The following CCNO variants were observed in gnomAD, a reference collection of about 807,000 sequenced individuals.
CCNO encodes the protein cyclin-O.
Under a neutral mutation model 23.9 loss-of-function variants are expected in CCNO, and 24 were observed. That is an observed-to-expected ratio of 1.00 (90% confidence interval 0.73 to 1.41). CCNO has a LOEUF of 1.41. Ranked by LOEUF, CCNO falls within the 40% of genes most tolerant of loss-of-function variation. The pLI is 0.00. For synonymous variants in CCNO, 241 were observed against 225.7 expected, an observed-to-expected ratio of 1.07 and a Z score of -0.61; for missense variants, 542 against 476.2, an observed-to-expected ratio of 1.14 and a Z score of -1.29.
Position 55,231,238 on chromosome 5 carries a change from A to G in CCNO, c.*137T>C. 1.1e-6 allele frequency: 1 copy of G among 896,354 alleles called. No individual in the cohort carries two copies. The highest frequency in any genetic ancestry group is 1.7e-6 in the Non-Finnish European group (1 of 574,358). The allele number at this position is 896,354 out of a possible 1,614,324, so 55.5% of individuals were successfully genotyped here. On this transcript the variant is annotated 3_prime_UTR_variant, in exon 3 of 3. Coordinates refer to ENST00000282572, the MANE Select transcript of CCNO (RefSeq NM_021147.5). ...AATAAATAAAATACCAGATGCTAGT[A>G]TCGTACACTATTTACAACCTGCAGC...
In CCNO at chr5:55,233,410, C is replaced by T; in HGVS notation, c.114G>A (p.Arg38=). 6.2e-7 allele frequency: 1 copy of T among 1,609,268 alleles called. No individual in the cohort carries two copies. Among genetic ancestry groups the T allele is most frequent in the Non-Finnish European group, 8.5e-7 (1 of 1,178,562 alleles). The change falls in exon 1 of 3, where the codon CGG becomes CGA. Residue 38 remains arginine (R), a synonymous_variant. Coordinates refer to ENST00000282572, the MANE Select transcript of CCNO (RefSeq NM_021147.5). The stretch of plus-strand genomic sequence containing the variant: ...TCAGGGGATGCAGCGGCTGCTTCCT[C>T]CGGAGGCGCGGACGCCTGCTCTTCT... The part of the protein sequence containing the change: ...PVKKSRRPRL[R]RKQPLHPLNP...
chr5:55,231,874 C>A lies in CCNO; in HGVS notation c.568-14G>T, dbSNP rs1745592844. On this transcript the variant is annotated splice_polypyrimidine_tract_variant and intron_variant, in intron 2 of 2. Coordinates refer to ENST00000282572, the MANE Select transcript of CCNO (RefSeq NM_021147.5). ...GTGCACCTCCACCTGCAACACAGGG[C>A]GCACTCAACCCCGCTTTGCGGCTTC... 1 of 1,521,434 alleles carries A rather than the reference C, an allele frequency of 6.6e-7. No individual in the cohort carries two copies. The highest frequency in any genetic ancestry group is 8.8e-7 in the Non-Finnish European group (1 of 1,134,024). 94.2% of individuals were successfully genotyped at this position (1,521,434 alleles called of 1,614,324 possible).
At chr5:55,232,751 GCGTCGTACA>G (rs1745629809) in intron 1 of CCNO, 1 of 610,460 alleles carries the variant, frequency 1.6e-6, no homozygotes, top group Admixed American at 2.9e-5. Flanking sequence ...TGTGCAGAGA[GCGTCGTACA>G]CGTTACCTCG....
At position 55,231,483 on chromosome 5, in the gene CCNO, G is replaced by C. The variant is rs1240396964; in HGVS notation, c.945C>G (p.Asp315Glu). The change falls in exon 3 of 3, where the codon GAC (aspartate) becomes GAG (glutamate). Residue 315 changes from aspartate (D) to glutamate (E), a missense_variant. Asp to Glu is a conservative substitution (Grantham distance 45, BLOSUM62 2). Coordinates refer to ENST00000282572, the MANE Select transcript of CCNO (RefSeq NM_021147.5). ...CCAGCAGCTGCAACTTGCCCATACA[G>C]TCCTCCAGCGCCGCCTCCGGGTGGT... ...LGDHPEAALE[D>E]CMGKLQLLVA... The C allele has an allele frequency of 3.1e-6, 5 of 1,614,080 alleles. No homozygotes were observed. In the Admixed American group the frequency reaches 8.3e-5, roughly 27 times the overall value.
chr5:55,232,237 TA>T, intron 2 of CCNO, 123 bp downstream of exon 2: 1 of 840,374 alleles, frequency 1.2e-6, no homozygotes, highest in Non-Finnish European at 1.9e-6. Flanking sequence ...AAATGTCTGA[TA>T]AAATGAGTTC....
At position 55,233,277 on chromosome 5, in the gene CCNO, G is replaced by T; in HGVS notation, c.247C>A (p.Leu83Met). ...SPSAARGGSP[L>M]PGPAQPVAQL... is the part of the protein sequence containing the mutation. The stretch of plus-strand genomic sequence containing the variant: ...GCCACGGGCTGGGCCGGGCCGGGCA[G>T]GGGGCTACCACCCCGCGCCGCAGAG... The change falls in exon 1 of 3, where the codon CTG becomes ATG. Residue 83 changes from leucine (L) to methionine (M), a missense_variant. Transcript: ENST00000282572. 1 of 1,591,382 alleles carries T rather than the reference G, an allele frequency of 6.3e-7. No homozygotes were observed.
chr5:55,231,545 G>T lies in CCNO; in HGVS notation c.883C>A (p.Leu295Met). 6.2e-7 allele frequency: 1 copy of T among 1,613,532 alleles called. No homozygotes were observed. The highest frequency in any genetic ancestry group is 8.5e-7 in the Non-Finnish European group (1 of 1,179,988). Reference sequence around the variant, plus strand: ...AAGTCCACGGGCCGCGAGACCCGCAGCATGCGGTCCGCCAGCGCCAGGCAG... The same window carrying T: ...AAGTCCACGGGCCGCGAGACCCGCATCATGCGGTCCGCCAGCGCCAGGCAG... ...ICCLALADRM[L>M]RVSRPVDLRL... Residue 295 changes from leucine (L) to methionine (M), a missense_variant, in exon 3 of 3, where the codon CTG becomes ATG. Transcript: ENST00000282572.
Position 55,231,333 on chromosome 5 carries a change from C to T in CCNO, c.*42G>A. The T allele has an allele frequency of 6.2e-7, 1 of 1,603,404 alleles. No individual in the cohort carries two copies. Among genetic ancestry groups the T allele is most frequent in the East Asian group, 2.2e-5 (1 of 44,790 alleles). On this transcript the variant is annotated 3_prime_UTR_variant, in exon 3 of 3. Coordinates refer to ENST00000282572, the MANE Select transcript of CCNO (RefSeq NM_021147.5). ...CTCTTCTGAGGCTACGGGAGAGGTC[C>T]AGCAGCCGGGCCAGGGACTAAAAGG... is the stretch of plus-strand genomic sequence containing the variant.
At chr5:55,232,677 G>T in intron 1 of CCNO, 131 bp from the exon 2 acceptor site, 1 of 873,280 alleles carries the variant, frequency 1.1e-6, no homozygotes, top group Non-Finnish European at 1.8e-6. Context: ...AAAGAGAAAC[G>T]CAATGGAAAC....
chr5:55,231,739 G>A lies in CCNO; in HGVS notation c.689C>T (p.Ala230Val). ...VLHKLHFTLG[A>V]PTISFFLEHF... is the part of the protein sequence containing the mutation. ...CTCCAGGAAGAAGCTAATGGTGGGCGCACCCAGGGTGAAGTGCAGCTTGTG... is the reference window on the plus strand; with the variant it reads ...CTCCAGGAAGAAGCTAATGGTGGGCACACCCAGGGTGAAGTGCAGCTTGTG... The change falls in exon 3 of 3, where the codon GCG becomes GTG. Residue 230 changes from alanine to valine, a missense_variant. Physicochemically the swap from Ala to Val is moderately conservative, Grantham distance 64 (BLOSUM62 0). Transcript: ENST00000282572. The A allele has an allele frequency of 1.3e-6, 2 of 1,574,766 alleles. No homozygotes were observed. The highest frequency in any genetic ancestry group is 8.6e-7 in the Non-Finnish European group (1 of 1,160,838).
intron 1 of CCNO, 178 bp downstream of exon 1, chr5:55,232,965 T>A (rs1580411663): frequency 3.0e-6 from 2 of 672,738 alleles, no homozygotes; most frequent in East Asian, 5.6e-5. Flanking sequence ...CGCCCCACTT[T>A]TCTCCATCTG....
chr5:55,232,230 T>C, intron 2 of CCNO, 131 bp downstream of exon 2: 1 of 785,514 alleles, frequency 1.3e-6, no homozygotes, highest in Non-Finnish European at 2.1e-6. Flanking sequence ...CGTATGCAAA[T>C]GTCTGATAAA....
chr5:55,231,460 A>C lies in CCNO; in HGVS notation c.968T>G (p.Leu323Arg). Residue 323 changes from leucine to arginine, a missense_variant, in exon 3 of 3, where the codon CTG (leucine) becomes CGG (arginine). Transcript: ENST00000282572. ...CAAGGAAGTACTGTTTATGGCCACC[A>C]GCAGCTGCAACTTGCCCATACAGTC... The part of the protein sequence containing the change: ...LEDCMGKLQL[L>R]VAINSTSLTH... 1 of 1,614,170 alleles carries C rather than the reference A, an allele frequency of 6.2e-7. No homozygotes were observed.
intron 1 of CCNO, 142 bp from the exon 2 acceptor site, chr5:55,232,688 T>C: frequency 1.3e-6 from 1 of 795,132 alleles, no homozygotes; most frequent in Non-Finnish European, 2.0e-6. Flanking sequence ...CAATGGAAAC[T>C]GGGAAACGCG....
At chr5:55,232,268 C>T in intron 2 of CCNO, 93 bp downstream of exon 2, 2 of 1,175,136 alleles carry the variant, frequency 1.7e-6, no homozygotes, top group Non-Finnish European at 2.5e-6. Context: ...AGCACTGAAT[C>T]GTGCGCGCTG....
chr5:55,232,026 T>C (rs916923653), intron 2 of CCNO, among the ~76,000 whole-genome samples, 166 bp from the exon 3 acceptor site: 1 of 151,780 alleles, frequency 6.6e-6, no homozygotes, highest in Non-Finnish European at 1.5e-5. Context: ...GCGCAGTTGA[T>C]CTAACTACTG....
chr5:55,233,532 CG>C lies in CCNO; in HGVS notation c.-10del. On this transcript the variant is annotated 5_prime_UTR_variant, in exon 1 of 3. Coordinates refer to ENST00000282572, the MANE Select transcript of CCNO (RefSeq NM_021147.5). ...GGACAGGGGGTCACCATGATGCGGC[CG>C]GGTGGCCGCTTTACTACCTTCAACG... 6.5e-7 allele frequency: 1 copy of C among 1,538,820 alleles called. No individual in the cohort carries two copies. Among genetic ancestry groups the C allele is most frequent in the South Asian group, 1.2e-5 (1 of 83,270 alleles).
chr5:55,233,387 AGG>A lies in CCNO; in HGVS notation c.135_136del (p.Leu46GlufsTer35). 6.2e-7 allele frequency: 1 copy of A among 1,610,666 alleles called. No individual in the cohort carries two copies. The highest frequency in any genetic ancestry group is 8.5e-7 in the Non-Finnish European group (1 of 1,179,164). ...GTCTCCCGGGAGCGGGCACGGGTTC[AGG>A]GGATGCAGCGGCTGCTTCCTCCGGA... On this transcript the variant is annotated frameshift_variant, in exon 1 of 3. Coordinates refer to ENST00000282572, the MANE Select transcript of CCNO (RefSeq NM_021147.5). LOFTEE classifies it high-confidence loss of function.
Position 55,233,542 on chromosome 5 carries a change from C to CT in CCNO, c.-20dup, listed in dbSNP as rs1263697818. On this transcript the variant is annotated 5_prime_UTR_variant, in exon 1 of 3. Coordinates refer to ENST00000282572, the MANE Select transcript of CCNO (RefSeq NM_021147.5). ...TCACCATGATGCGGCCGGGTGGCCG[C>CT]TTTACTACCTTCAACGCCCGGGCTG... 1.2e-5 allele frequency: 18 copies of CT among 1,518,610 alleles called. No homozygotes were observed. The South Asian group carries it at 1.6e-4, about 14-fold the overall frequency. The allele number at this position is 1,518,610 out of a possible 1,614,324, so 94.1% of individuals were successfully genotyped here. A position where few individuals can be genotyped will look rare whatever the true frequency, so the allele number is the denominator to read the frequency against.
Sources: gnomAD v4.1 joint callset for allele counts (sites outside exome capture counted in the v4.1 genomes callset) on GRCh38, gnomAD v4.1.1 for gene constraint, MANE v1.5 for transcripts, NCBI Gene and HGNC (gene_info 2026-07-23, HGNC 2026-07-21) for gene names.